The following ARHGAP6 variants were observed in gnomAD, a reference collection of about 807,000 sequenced individuals.
ARHGAP6 encodes the protein Rho GTPase activating protein 6, also known as rho GTPase-activating protein 6.
Under a neutral mutation model 55.7 loss-of-function variants are expected in ARHGAP6, and 16 were observed. The observed-to-expected ratio is 0.29, with a 90% CI of 0.19 to 0.44. The LOEUF is 0.44. Among genes scored for constraint, ARHGAP6 ranks in the 20% least tolerant of loss-of-function variants. The pLI, the probability that ARHGAP6 is intolerant of heterozygous loss-of-function variation, is 1.00. For synonymous variants in ARHGAP6, 382 were observed against 360.9 expected (o/e 1.06, Z -0.66); for missense variants, 698 against 808.9 (o/e 0.86, Z 1.66).
intron 1 of ARHGAP6, among the ~76,000 whole-genome samples, chrX:11,337,782 A>G (rs1196787037): frequency 8.9e-6 from 1 of 112,803 alleles, no homozygotes; most frequent in Non-Finnish European, 1.9e-5. Context: ...TTGTGTTGCT[A>G]TAAAGGAATA....
chrX:11,522,895 A>G (rs1351815005), intron 1 of ARHGAP6, among the ~76,000 whole-genome samples: 2 of 111,632 alleles, frequency 1.8e-5, no homozygotes, highest in East Asian at 5.6e-4. Flanking sequence ...TGAGGCCAGC[A>G]TCATCCTGAA....
chrX:11,340,546 G>A (rs1480423643), intron 1 of ARHGAP6, among the ~76,000 whole-genome samples: 5 of 110,769 alleles, frequency 4.5e-5, no homozygotes, highest in African/African-American at 1.3e-4. Flanking sequence ...TGGCTAACAC[G>A]GTGAAACCCC....
intron 1 of ARHGAP6, among the ~76,000 whole-genome samples, chrX:11,567,987 T>C (rs752350479): frequency 1.5e-4 from 17 of 111,796 alleles, no homozygotes; most frequent in South Asian, 3.8e-4. Context: ...GGAGAATTGC[T>C]TTCATGGCCA....
intron 1 of ARHGAP6, among the ~76,000 whole-genome samples, chrX:11,369,757 G>T (rs747605378): frequency 8.9e-6 from 1 of 111,891 alleles, no homozygotes; most frequent in African/African-American, 3.2e-5. Flanking sequence ...TTCCTCCCCC[G>T]TTTTCTCTGC....
chrX:11,252,742 G>A (rs757841832), intron 2 of ARHGAP6, among the ~76,000 whole-genome samples: 21 of 112,145 alleles, frequency 1.9e-4, no homozygotes, highest in African/African-American at 6.8e-4. Context: ...TCAGCCCATT[G>A]GCCTTGTCTA....
At chrX:11,161,691 A>C (rs2045948073) in intron 9 of ARHGAP6, among the ~76,000 whole-genome samples, 2 of 112,665 alleles carry the variant, frequency 1.8e-5, no homozygotes, top group Admixed American at 1.9e-4. Context: ...ACTTGAAAAA[A>C]TAAAAGCAGA....
intron 1 of ARHGAP6, among the ~76,000 whole-genome samples, chrX:11,364,481 C>T (rs995970114): frequency 7.2e-5 from 8 of 111,192 alleles, no homozygotes; most frequent in African/African-American, 9.8e-5. Flanking sequence ...CCCCTTCCCT[C>T]CTTCTTCCAA....
rs1420361609 is a variant in ARHGAP6, at chrX:11,616,889, T to C, written c.588+47352A>G. Among the ~76,000 whole-genome samples, 3 of 111,735 alleles carry C rather than the reference T, an allele frequency of 2.7e-5. No individual in the cohort carries two copies. The Admixed American group carries it at 2.8e-4, about 11-fold the overall frequency. ...CTTCCCACAACCAAAAACTACCTGG[T>C]CTAGAATGTCAATACTGCCAGTGTT... On this transcript the variant is annotated intron_variant, in intron 1 of 12. Coordinates refer to ENST00000337414, the MANE Select transcript of ARHGAP6 (RefSeq NM_013427.3).
At chrX:11,157,880 C>A in intron 9 of ARHGAP6, among the ~76,000 whole-genome samples, 1 of 112,178 alleles carries the variant, frequency 8.9e-6, no homozygotes, top group Non-Finnish European at 1.9e-5. Flanking sequence ...TCATTAATGA[C>A]ATTGCCAACT....
At chrX:11,338,372 T>C (rs2048665478) in intron 1 of ARHGAP6, among the ~76,000 whole-genome samples, 1 of 111,878 alleles carries the variant, frequency 8.9e-6, no homozygotes, top group South Asian at 3.8e-4. Flanking sequence ...TTATGTCAGG[T>C]AGAGTGAGAC....
chrX:11,518,462 C>CTTTTTTTTTTTTTTTTT (rs368595944), intron 1 of ARHGAP6, among the ~76,000 whole-genome samples: 1 of 74,929 alleles, frequency 1.3e-5, no homozygotes, highest in Non-Finnish European at 2.5e-5. Context: ...TTTTTTTTTT[C>CTTTTTTTTTTTTTTTTT]TTTTTTTTTT....
intron 2 of ARHGAP6, among the ~76,000 whole-genome samples, chrX:11,247,547 T>G (rs1314491644): frequency 8.9e-6 from 1 of 112,166 alleles, no homozygotes. Flanking sequence ...ACTCTGACAT[T>G]GAGTGAAAAC....
chrX:11,583,795 A>T (rs2051692849), intron 1 of ARHGAP6, among the ~76,000 whole-genome samples: 1 of 111,883 alleles, frequency 8.9e-6, no homozygotes, highest in Non-Finnish European at 1.9e-5. Flanking sequence ...GATCATCTCA[A>T]GTAATGCTAA....
chrX:11,558,216 AG>A (rs1399005727), intron 1 of ARHGAP6, among the ~76,000 whole-genome samples: 6 of 111,660 alleles, frequency 5.4e-5, no homozygotes, highest in Admixed American at 4.8e-4. Flanking sequence ...TTCCCCCAAA[AG>A]TCTGTGGCTT....
chrX:11,409,587 T>C (rs1284534124), intron 1 of ARHGAP6, among the ~76,000 whole-genome samples: 1 of 112,255 alleles, frequency 8.9e-6, no homozygotes, highest in African/African-American at 3.2e-5. Context: ...TGTGTACACT[T>C]TACTTTGATA....
At chrX:11,413,226 C>T (rs761010413) in intron 1 of ARHGAP6, among the ~76,000 whole-genome samples, 1 of 112,497 alleles carries the variant, frequency 8.9e-6, no homozygotes, top group Admixed American at 9.4e-5. Flanking sequence ...TGCTTTCAAT[C>T]TGGTGGAAGC....
chrX:11,495,324 C>T, intron 1 of ARHGAP6, among the ~76,000 whole-genome samples: 1 of 111,759 alleles, frequency 8.9e-6, no homozygotes, highest in Non-Finnish European at 1.9e-5. Flanking sequence ...CATATCCTTG[C>T]CCTTACTTCC....
intron 1 of ARHGAP6, among the ~76,000 whole-genome samples, chrX:11,268,369 G>C (rs2047652906): frequency 8.9e-6 from 1 of 111,858 alleles, no homozygotes; most frequent in African/African-American, 3.2e-5. Context: ...AATAGTGAAT[G>C]ATAACAGTAG....
intron 1 of ARHGAP6, among the ~76,000 whole-genome samples, chrX:11,468,004 A>G (rs867864675): frequency 3.9e-5 from 4 of 103,721 alleles, no homozygotes; most frequent in African/African-American, 1.4e-4. Context: ...ATAAATAAAT[A>G]AATAAATAAA....
Sources: allele counts gnomAD v4.1 joint callset (sites outside exome capture counted in the v4.1 genomes callset), GRCh38; gene constraint gnomAD v4.1.1; transcripts MANE v1.5; gene names NCBI Gene and HGNC (gene_info 2026-07-23, HGNC 2026-07-21).